The following GALNT13 variants were observed in gnomAD, a reference collection of about 807,000 sequenced individuals.
GALNT13 encodes the protein polypeptide N-acetylgalactosaminyltransferase 13, also known as UDP-GalNAc:polypeptide N-acetylgalactosaminyltransferase 13.
In GALNT13, 28 loss-of-function variants were observed where a neutral mutation model predicts 64.2. The ratio of observed to expected loss-of-function variants is 0.44; its 90% CI spans 0.32 to 0.60. The LOEUF is 0.60. GALNT13 is among the 20% of genes least tolerant of loss of function. The pLI is 0.05. For missense variants in GALNT13, 577 were observed against 669.8 expected (o/e 0.86, Z 1.53); for synonymous variants, 214 against 224.6 (o/e 0.95, Z 0.42).
At chr2:154,017,529 G>T (rs1253135165) in intron 3 of GALNT13, among the ~76,000 whole-genome samples, 1 of 152,104 alleles carries the variant, frequency 6.6e-6, no homozygotes, top group Non-Finnish European at 1.5e-5. Context: ...TAGATTACTA[G>T]GGTGTTATTC....
At chr2:153,181,030 C>CTTTTTTTTTTT in the GALNT13 span, among the ~76,000 whole-genome samples, 14 of 32,068 alleles carry the variant, frequency 4.4e-4, no homozygotes, top group African/African-American at 5.8e-4. Context: ...TTTATTGTTT[C>CTTTTTTTTTTT]TTTTTTTTTT....
chr2:153,596,326 G>T, the GALNT13 span, among the ~76,000 whole-genome samples: 1 of 152,092 alleles, frequency 6.6e-6, no homozygotes, highest in East Asian at 1.9e-4. Flanking sequence ...TCAGGAAGTG[G>T]AGACAAAAAC....
At chr2:154,425,651 G>C (rs963207518) in intron 11 of GALNT13, among the ~76,000 whole-genome samples, 2 of 152,168 alleles carry the variant, frequency 1.3e-5, no homozygotes, top group African/African-American at 4.8e-5. Context: ...AGAAAGATAA[G>C]TTGCCAGAAG....
intron 3 of GALNT13, among the ~76,000 whole-genome samples, chr2:153,997,717 A>T (rs531867824): frequency 6.6e-6 from 1 of 152,240 alleles, no homozygotes; most frequent in African/African-American, 2.4e-5. Flanking sequence ...ATAGGTATAC[A>T]TGTACCATGG....
chr2:153,123,292 C>T, the GALNT13 span, among the ~76,000 whole-genome samples: 1 of 152,158 alleles, frequency 6.6e-6, no homozygotes, highest in Non-Finnish European at 1.5e-5. Flanking sequence ...GACACCTTAA[C>T]TTTAAACTCC....
the GALNT13 span, among the ~76,000 whole-genome samples, chr2:153,610,449 C>T: frequency 9.9e-5 from 15 of 151,996 alleles, no homozygotes; most frequent in African/African-American, 3.1e-4. Flanking sequence ...CCAAGGTGGG[C>T]GGATCACCTG....
chr2:154,172,403 A>T (rs1685405704), intron 4 of GALNT13, among the ~76,000 whole-genome samples: 1 of 151,852 alleles, frequency 6.6e-6, no homozygotes, highest in Non-Finnish European at 1.5e-5. Context: ...CTTCTATCAT[A>T]CTGCTTTTTG....
At chr2:153,737,173 C>G in the GALNT13 span, among the ~76,000 whole-genome samples, 3 of 152,126 alleles carry the variant, frequency 2.0e-5, no homozygotes, top group African/African-American at 4.8e-5. Flanking sequence ...GAAAGGAGCA[C>G]AGACAGGCAG....
the GALNT13 span, among the ~76,000 whole-genome samples, chr2:153,205,666 A>G: frequency 2.0e-5 from 3 of 152,072 alleles, no homozygotes; most frequent in Non-Finnish European, 4.4e-5. Context: ...TCATTCCAAT[A>G]AGCCTTGCTG....
chr2:153,213,757 A>G, the GALNT13 span, among the ~76,000 whole-genome samples: 3 of 152,286 alleles, frequency 2.0e-5, no homozygotes, highest in Admixed American at 6.5e-5. Flanking sequence ...AATGGACACT[A>G]TATCTATCTT....
the GALNT13 span, among the ~76,000 whole-genome samples, chr2:153,434,278 T>C: frequency 2.6e-5 from 4 of 152,294 alleles, no homozygotes; most frequent in Admixed American, 2.0e-4. Context: ...TGAATAGTGC[T>C]GCAATAAACA....
intron 8 of GALNT13, among the ~76,000 whole-genome samples, chr2:154,263,515 A>G (rs966592519): frequency 6.6e-6 from 1 of 152,164 alleles, no homozygotes; most frequent in Admixed American, 6.6e-5. Flanking sequence ...GAGAGAATGT[A>G]GAGAAAAAGT....
intron 4 of GALNT13, among the ~76,000 whole-genome samples, chr2:154,183,019 G>C (rs1234364604): frequency 6.6e-6 from 1 of 152,042 alleles, no homozygotes; most frequent in Admixed American, 6.6e-5. Flanking sequence ...TTTTGGTTTG[G>C]TATCAGAATA....
chr2:154,379,032 C>T (rs1294182233), intron 9 of GALNT13, among the ~76,000 whole-genome samples: 2 of 151,856 alleles, frequency 1.3e-5, no homozygotes, highest in East Asian at 1.9e-4. Flanking sequence ...ACCATAATAA[C>T]GGCAGTAATT....
At chr2:153,661,506 G>A in the GALNT13 span, among the ~76,000 whole-genome samples, 1 of 151,970 alleles carries the variant, frequency 6.6e-6, no homozygotes, top group Non-Finnish European at 1.5e-5. Flanking sequence ...CATACTAATT[G>A]TAAGAAGAAA....
At chr2:153,612,990 C>T in the GALNT13 span, among the ~76,000 whole-genome samples, 7 of 152,064 alleles carry the variant, frequency 4.6e-5, no homozygotes, top group Admixed American at 4.6e-4. Context: ...AACTGAAGGC[C>T]TCACTTTGTT....
chr2:154,339,074 T>G (rs1574113444), intron 9 of GALNT13, among the ~76,000 whole-genome samples: 1 of 152,236 alleles, frequency 6.6e-6, no homozygotes, highest in East Asian at 1.9e-4. Context: ...ATTAGGCAAA[T>G]GTTTACCAAG....
chr2:153,144,861 C>T, the GALNT13 span, among the ~76,000 whole-genome samples: 4 of 151,796 alleles, frequency 2.6e-5, no homozygotes, highest in Non-Finnish European at 5.9e-5. Flanking sequence ...CTCTGATCTT[C>T]ACTTGCTTAT....
chr2:154,129,167 A>G (rs955550502), intron 3 of GALNT13, among the ~76,000 whole-genome samples: 1 of 152,196 alleles, frequency 6.6e-6, no homozygotes, highest in Non-Finnish European at 1.5e-5. Flanking sequence ...ACCATCCTAA[A>G]CTACCTTTTA....
Sources: allele counts gnomAD v4.1 joint callset (sites outside exome capture counted in the v4.1 genomes callset), GRCh38; gene constraint gnomAD v4.1.1; transcripts MANE v1.5; gene names NCBI Gene and HGNC (gene_info 2026-07-23, HGNC 2026-07-21).